GUSB: variants seen among roughly 807,000 people sequenced by gnomAD.
GUSB encodes the protein glucuronidase beta.
GUSB carries 51 observed loss-of-function variants against 74.6 expected under a neutral mutation model. That is an observed-to-expected ratio of 0.68 (90% confidence interval 0.55 to 0.86). The LOEUF (loss-of-function observed/expected upper bound fraction) is 0.86, where lower values mean the gene tolerates loss of function less well. GUSB is among the 40% of genes least tolerant of loss of function. The pLI is 0.00. For synonymous variants in GUSB, 360 were observed against 348.3 expected (o/e 1.03, Z -0.37); for missense variants, 736 against 853.7 (o/e 0.86, Z 1.72).
At position 65,974,383 on chromosome 7, in the gene GUSB, G is replaced by A. The variant is rs758314777; in HGVS notation, c.1303C>T (p.Arg435Cys). ...ACCGCGGGGTGGTTCTTGTCCCTAC[G>A]CACCACTTCTTCCATCACCTGCATG... is the stretch of plus-strand genomic sequence containing the variant. ...HHMQVMEEVV[R>C]RDKNHPAVVM... The change falls in exon 8 of 12, where the codon CGT (arginine) becomes TGT (cysteine). Residue 435 changes from arginine (R) to cysteine (C), a missense_variant. Arg to Cys is a radical substitution (Grantham distance 180). This residue lies in a region of GUSB where 368 missense variants were observed against 489.9 expected (regional missense o/e 0.75). Coordinates refer to ENST00000304895, the MANE Select transcript of GUSB (RefSeq NM_000181.4). The A allele has an allele frequency of 1.1e-5, 17 of 1,613,972 alleles. No homozygotes were observed. Among genetic ancestry groups the A allele is most frequent in the South Asian group, 3.3e-5 (3 of 91,082 alleles).
Position 65,976,095 on chromosome 7 carries a change from C to G in GUSB, c.832G>C (p.Gly278Arg), listed in dbSNP as rs1019311110. The G allele has an allele frequency of 6.2e-7, 1 of 1,613,838 alleles. No individual in the cohort carries two copies. Among genetic ancestry groups the G allele is most frequent in the Non-Finnish European group, 8.5e-7 (1 of 1,179,996 alleles). ...KVVANGTGTQGQLKVPGVSLW... is the reference protein window; with the variant it reads ...KVVANGTGTQRQLKVPGVSLW... ...CTGACACCTGGCACCTTAAGTTGGC[C>G]CTGGGTCCCAGTCCCATTCGCCACG... is the stretch of plus-strand genomic sequence containing the variant. Residue 278 changes from glycine to arginine, a missense_variant, in exon 5 of 12, where the codon GGC (glycine) becomes CGC (arginine). Transcript: ENST00000304895.
At chr7:65,979,659 C>T (rs948552571) in intron 3 of GUSB, 68 bp downstream of exon 3, 1 of 1,590,252 alleles carries the variant, frequency 6.3e-7, no homozygotes, top group African/African-American at 1.3e-5. Flanking sequence ...CCACCCAGTC[C>T]CTACCAGGAA....
intron 9 of GUSB, among the ~76,000 whole-genome samples, chr7:65,968,230 C>CAAAA (rs60554800): frequency 1.6e-5 from 2 of 123,386 alleles, no homozygotes. Context: ...CCATTTCTAC[C>CAAAA]AAAAAAAAAA....
At chr7:65,961,579 C>CAA (rs745643272) in intron 11 of GUSB, among the ~76,000 whole-genome samples, 1 of 152,130 alleles carries the variant, frequency 6.6e-6, no homozygotes, top group Admixed American at 6.5e-5. Context: ...GAAAAAAACC[C>CAA]AAAACAGTGG....
rs377626207 is a variant in GUSB at position 65,981,954 on chromosome 7, G to A, written c.210+20C>T. 4.4e-6 allele frequency: 7 copies of A among 1,595,682 alleles called. No homozygotes were observed. In the Admixed American group the frequency reaches 5.0e-5, roughly 11 times the overall value. On this transcript the variant is annotated intron_variant, in intron 1 of 11. Transcript: ENST00000304895. Reference sequence around the variant, plus strand: ...CCGCCGGGCTTTCGGGCGCCTCCCGGCCCTGCCCCGAGATCGCACCTCCCA... The same window carrying A: ...CCGCCGGGCTTTCGGGCGCCTCCCGACCCTGCCCCGAGATCGCACCTCCCA...
rs771735289 is a variant in GUSB, at chr7:65,964,432, C to T, written c.1680G>A (p.Glu560=). ...ACTGCTCTAGCAGACTTTTCTGGTA[C>T]TCTTCAGTGAACATCAGAGGTGGAT... ...HQDPPLMFTE[E]YQKSLLEQYH... The change falls in exon 11 of 12, where the codon GAG becomes GAA. Residue 560 remains glutamate, a synonymous_variant. Coordinates refer to ENST00000304895, the MANE Select transcript of GUSB (RefSeq NM_000181.4). The T allele has an allele frequency of 2.5e-6, 4 of 1,610,988 alleles. No individual in the cohort carries two copies. The highest frequency in any genetic ancestry group is 3.3e-5 in the Admixed American group (2 of 59,992).
intron 10 of GUSB, among the ~76,000 whole-genome samples, chr7:65,966,892 G>A (rs1790873606): frequency 6.6e-6 from 1 of 152,156 alleles, no homozygotes; most frequent in African/African-American, 2.4e-5. Flanking sequence ...GACCAGCCTG[G>A]ACAACATAGC....
intron 10 of GUSB, among the ~76,000 whole-genome samples, chr7:65,967,439 G>A (rs1290156002): frequency 6.6e-6 from 1 of 152,220 alleles, no homozygotes; most frequent in South Asian, 2.1e-4. Context: ...GGGTGACAGA[G>A]AGATCCGGTC....
intron 4 of GUSB, among the ~76,000 whole-genome samples, chr7:65,977,541 C>G (rs999182432): frequency 2.0e-5 from 3 of 151,818 alleles, no homozygotes; most frequent in African/African-American, 7.3e-5. Context: ...CTTTTTTATT[C>G]ATTTATTTTA....
At chr7:65,980,151 G>A in intron 2 of GUSB, 73 bp downstream of exon 2, 1 of 1,387,142 alleles carries the variant, frequency 7.2e-7, no homozygotes, top group Non-Finnish European at 1.0e-6. Context: ...TGCCGTGGGT[G>A]GCAGCTGGAG....
intron 8 of GUSB, among the ~76,000 whole-genome samples, chr7:65,972,245 T>G (rs1288067046): frequency 1.3e-5 from 2 of 151,686 alleles, no homozygotes; most frequent in African/African-American, 4.8e-5. Context: ...CACTGCAACC[T>G]CCACCTCCTG....
chr7:65,982,029 G>A lies in GUSB; in HGVS notation c.155C>T (p.Ser52Phe), dbSNP rs1424546265. 6.2e-7 allele frequency: 1 copy of A among 1,610,616 alleles called. No individual in the cohort carries two copies. Among genetic ancestry groups the A allele is most frequent in the East Asian group, 2.2e-5 (1 of 44,802 alleles). ...DGLWSFRADF[S>F]DNRRRGFEEQ... ...CTCGAAGCCCCGGCGTCGGTTGTCAGAGAAGTCGGCGCGGAAGCTCCAGAG... is the reference window on the plus strand; with the variant it reads ...CTCGAAGCCCCGGCGTCGGTTGTCAAAGAAGTCGGCGCGGAAGCTCCAGAG... The change falls in exon 1 of 12, where the codon TCT becomes TTT. Residue 52 changes from serine (S) to phenylalanine (F), a missense_variant. This residue lies in a region of GUSB where 368 missense variants were observed against 363.8 expected (regional missense o/e 1.01). Coordinates refer to ENST00000304895, the MANE Select transcript of GUSB (RefSeq NM_000181.4).
At position 65,975,072 on chromosome 7, in the gene GUSB, C is replaced by G; in HGVS notation, c.913-1G>C. 6.2e-7 allele frequency: 1 copy of G among 1,612,948 alleles called. No individual in the cohort carries two copies. The highest frequency in any genetic ancestry group is 1.3e-5 in the African/African-American group (1 of 75,028). On this transcript the variant is annotated splice_acceptor_variant, in intron 5 of 11. Coordinates refer to ENST00000304895, the MANE Select transcript of GUSB (RefSeq NM_000181.4). LOFTEE classifies it high-confidence loss of function. The stretch of plus-strand genomic sequence containing the variant: ...GTGACGTCTGTGCAGTCAGCTGCAC[C>G]TATGACAGCCAAAGCACCAGGTGTG...
Position 65,961,022 on chromosome 7 carries a change from G to T in GUSB, c.1831C>A (p.Arg611=). The T allele has an allele frequency of 1.2e-6, 2 of 1,612,636 alleles. No individual in the cohort carries two copies. Among genetic ancestry groups the T allele is most frequent in the Non-Finnish European group, 1.7e-6 (2 of 1,179,748 alleles). The part of the protein sequence containing the change: ...VLGNKKGIFT[R]QRQPKSAAFL... Reference sequence around the variant, plus strand: ...GCTGCACTTTTTGGTTGTCTCTGCCGAGTGAAGATCCCCTTTTTATTCCCC... The same window carrying T: ...GCTGCACTTTTTGGTTGTCTCTGCCTAGTGAAGATCCCCTTTTTATTCCCC... Residue 611 remains arginine (R), a synonymous_variant, in exon 12 of 12, where the codon CGG becomes AGG. Coordinates refer to ENST00000304895, the MANE Select transcript of GUSB (RefSeq NM_000181.4).
chr7:65,981,475 G>T (rs1360261772), intron 1 of GUSB, among the ~76,000 whole-genome samples: 1 of 151,766 alleles, frequency 6.6e-6, no homozygotes, highest in East Asian at 1.9e-4. Flanking sequence ...GGCCTCAGGC[G>T]ATTCGCCCGC....
At position 65,974,550 on chromosome 7, in the gene GUSB, C is replaced by CG. The variant is rs761247245; in HGVS notation, c.1219_1220insC (p.Cys407SerfsTer30). 16 of 1,614,222 alleles carry CG rather than the reference C, an allele frequency of 9.9e-6. No individual in the cohort carries two copies. The highest frequency in any genetic ancestry group is 1.3e-5 in the Non-Finnish European group (15 of 1,180,044). ...CGGCAGCGCCAGGCCCACGCCGGGACACTCATCGATGACCACAATCCCATA... is the reference window on the plus strand; with the variant it reads ...CGGCAGCGCCAGGCCCACGCCGGGACGACTCATCGATGACCACAATCCCATA... On this transcript the variant is annotated frameshift_variant, in exon 7 of 12. Transcript: ENST00000304895. LOFTEE classifies it high-confidence loss of function.
intron 11 of GUSB, 50 bp from the exon 12 acceptor site, chr7:65,961,113 G>A: frequency 6.4e-7 from 1 of 1,560,742 alleles, no homozygotes; most frequent in Non-Finnish European, 8.8e-7. Context: ...CTTCTGATGG[G>A]TCAAGTTAGA....
rs753051726 is a variant in GUSB at position 65,960,847 on chromosome 7, A to T, written c.*50T>A. ...GAGGCACTTGTTCTGCTGCTGTGGA[A>T]GTCGCCCTGACTCGGGGAGGAAGGG... is the stretch of plus-strand genomic sequence containing the variant. On this transcript the variant is annotated 3_prime_UTR_variant, in exon 12 of 12. Coordinates refer to ENST00000304895, the MANE Select transcript of GUSB (RefSeq NM_000181.4). 1 of 1,508,042 alleles carries T rather than the reference A, an allele frequency of 6.6e-7. No homozygotes were observed. Among genetic ancestry groups the T allele is most frequent in the South Asian group, 1.1e-5 (1 of 88,726 alleles). 93.4% of individuals were successfully genotyped at this position (1,508,042 alleles called of 1,614,324 possible).
intron 10 of GUSB, among the ~76,000 whole-genome samples, chr7:65,966,982 G>A (rs1790877733): frequency 6.6e-6 from 1 of 152,152 alleles, no homozygotes; most frequent in Admixed American, 6.5e-5. Flanking sequence ...GGGCATTCCA[G>A]GCAGAAGAAA....
Sources: gnomAD v4.1 joint callset for allele counts (sites outside exome capture counted in the v4.1 genomes callset) on GRCh38, gnomAD v4.1.1 for gene constraint, gnomAD v4.1.1 regional missense constraint, MANE v1.5 for transcripts, NCBI Gene and HGNC (gene_info 2026-07-23, HGNC 2026-07-21) for gene names.